Variants in SERINC5 observed in about 807,000 individuals in gnomAD.
SERINC5 encodes the protein serine incorporator 5.
A neutral mutation model predicts 63.1 loss-of-function variants in SERINC5; 41 were observed. The observed-to-expected ratio is 0.65, with a 90% confidence interval of 0.51 to 0.84. The LOEUF (loss-of-function observed/expected upper bound fraction) is 0.84, where lower values mean the gene tolerates loss of function less well. Ranked by LOEUF, SERINC5 falls within the 40% of genes least tolerant of loss-of-function variation. SERINC5 has a pLI of 0.00. For missense variants in SERINC5, 523 were observed against 573.0 expected, an observed-to-expected ratio of 0.91 and a Z score of 0.89; for synonymous variants, 222 against 215.2, an observed-to-expected ratio of 1.03 and a Z score of -0.28.
intron 1 of SERINC5, 116 bp downstream of exon 1, chr5:80,255,780 C>CG (rs1173291227): frequency 9.0e-7 from 1 of 1,112,518 alleles, no homozygotes; most frequent in Non-Finnish European, 1.3e-6. Context: ...GCGACCCACC[C>CG]GGGCCCTACG....
intron 5 of SERINC5, among the ~76,000 whole-genome samples, chr5:80,172,057 C>T (rs1747703576): frequency 6.6e-6 from 1 of 152,118 alleles, no homozygotes; most frequent in Non-Finnish European, 1.5e-5. Context: ...TAAATTAGGG[C>T]ATGGTGGCTC....
At chr5:80,181,235 A>G (rs779508913) in intron 2 of SERINC5, among the ~76,000 whole-genome samples, 15 of 151,570 alleles carry the variant, frequency 9.9e-5, no homozygotes, top group Admixed American at 3.9e-4. Context: ...ACAAACAAAC[A>G]AAGAGTTCCA....
chr5:80,232,845 A>G (rs1751512453), intron 1 of SERINC5, among the ~76,000 whole-genome samples: 1 of 152,164 alleles, frequency 6.6e-6, no homozygotes, highest in Non-Finnish European at 1.5e-5. Flanking sequence ...GAACCTTGAG[A>G]ACATACTAAG....
rs1156747314 is a variant in SERINC5 at position 80,146,212 on chromosome 5, C to G, written c.1116G>C (p.Gly372=). ...CATAAATGACCCGTGGTCCCTCCTT[C>G]CCCGGCTGCTGCTCTTCAGTGTCTG... ...GGEDTEEQQP[G]KEGPRVIYDE... is the part of the protein sequence containing the mutation. The change falls in exon 11 of 12, where the codon GGG becomes GGC. Residue 372 remains glycine (G), a synonymous_variant. Transcript: ENST00000507668. 8.1e-6 allele frequency: 13 copies of G among 1,613,860 alleles called. No individual in the cohort carries two copies. Among genetic ancestry groups the G allele is most frequent in the Non-Finnish European group, 1.0e-5 (12 of 1,179,868 alleles).
intron 10 of SERINC5, among the ~76,000 whole-genome samples, 184 bp from the exon 11 acceptor site, chr5:80,146,418 G>A (rs760372342): frequency 1.2e-4 from 18 of 152,190 alleles, no homozygotes; most frequent in South Asian, 8.3e-4. Flanking sequence ...AGCAACTTCC[G>A]TAACAGGAAG....
At chr5:80,238,719 G>A (rs1437866258) in intron 1 of SERINC5, among the ~76,000 whole-genome samples, 10 of 149,982 alleles carry the variant, frequency 6.7e-5, no homozygotes, top group African/African-American at 2.5e-4. Context: ...GAGACAGAGG[G>A]TAGAGGTTGC....
downstream of SERINC5, among the ~76,000 whole-genome samples, chr5:80,135,099 C>T (rs1009478584): frequency 8.5e-5 from 13 of 152,146 alleles, no homozygotes; most frequent in Non-Finnish European, 1.5e-4. Flanking sequence ...GGGTCTCCTC[C>T]GTTGCCCAGG....
intron 1 of SERINC5, chr5:80,203,255 C>CCCAT: frequency 3.0e-6 from 1 of 328,664 alleles, no homozygotes; most frequent in Non-Finnish European, 5.7e-6. Context: ...AATATATATA[C>CCCAT]ACATATATAT....
At chr5:80,186,056 T>C (rs2112443864) in intron 2 of SERINC5, among the ~76,000 whole-genome samples, 1 of 143,094 alleles carries the variant, frequency 7.0e-6, no homozygotes, top group South Asian at 2.2e-4. Flanking sequence ...ATCTTAGAAT[T>C]AGTAGATGCT....
chr5:80,217,451 G>A (rs928844713), intron 1 of SERINC5, among the ~76,000 whole-genome samples: 23 of 152,178 alleles, frequency 1.5e-4, no homozygotes, highest in African/African-American at 4.6e-4. Flanking sequence ...CTAGATGCCC[G>A]TATGCTCGGG....
intron 1 of SERINC5, among the ~76,000 whole-genome samples, chr5:80,212,298 A>G (rs970438183): frequency 6.6e-6 from 1 of 152,212 alleles, no homozygotes; most frequent in African/African-American, 2.4e-5. Flanking sequence ...CTGGGAGGTT[A>G]TAGTACCAAG....
chr5:80,172,288 T>TGTTGC, intron 5 of SERINC5, among the ~76,000 whole-genome samples: 1 of 152,164 alleles, frequency 6.6e-6, no homozygotes, highest in South Asian at 2.1e-4. Flanking sequence ...GCCACTGCAC[T>TGTTGC]CTAGCCTGGG....
chr5:80,148,201 T>C, intron 9 of SERINC5, among the ~76,000 whole-genome samples: 1 of 147,396 alleles, frequency 6.8e-6, no homozygotes, highest in African/African-American at 2.5e-5. Flanking sequence ...TTTTTTTTTT[T>C]TTTTTTGAGA....
At chr5:80,219,664 C>T (rs1310782011) in intron 1 of SERINC5, among the ~76,000 whole-genome samples, 2 of 152,146 alleles carry the variant, frequency 1.3e-5, no homozygotes, top group East Asian at 1.9e-4. Context: ...CCAGCTGCCT[C>T]GATGGCACCA....
Position 80,177,887 on chromosome 5 carries a change from C to T in SERINC5, c.373G>A (p.Gly125Ser). 6.2e-7 allele frequency: 1 copy of T among 1,604,652 alleles called. No individual in the cohort carries two copies. The highest frequency in any genetic ancestry group is 8.5e-7 in the Non-Finnish European group (1 of 1,176,150). The change falls in exon 3 of 12, where the codon GGC becomes AGC. Residue 125 changes from glycine to serine, a missense_variant and splice_region_variant. Gly to Ser is a moderately conservative substitution (Grantham distance 56). Coordinates refer to ENST00000507668, the MANE Select transcript of SERINC5 (RefSeq NM_001174072.3). ...SKSCRAHIHN[G>S]FWFFKLLLLG... ...CCCCAAGAAGACTAAAATACTTACC[C>T]ATTGTGAATATGAGCTCTACAACTT...
At chr5:80,129,270 T>C (rs1285396235) in intron 11 of SERINC5, 2 of 152,166 alleles carry the variant, frequency 1.3e-5, no homozygotes, top group African/African-American at 4.8e-5. Flanking sequence ...TGTGCATAAC[T>C]TGGATAGCAC....
chr5:80,155,717 T>C (rs1390693682), intron 8 of SERINC5, among the ~76,000 whole-genome samples: 9 of 151,962 alleles, frequency 5.9e-5, no homozygotes, highest in African/African-American at 2.4e-5. Flanking sequence ...CTGGGTAACA[T>C]AGTGAGAACT....
At chr5:80,207,830 GATATAT>G (rs1210473347) in intron 1 of SERINC5, among the ~76,000 whole-genome samples, 1 of 152,172 alleles carries the variant, frequency 6.6e-6, no homozygotes, top group African/African-American at 2.4e-5. Flanking sequence ...GCTACACATT[GATATAT>G]ATACCAGGTG....
At chr5:80,212,699 C>T (rs1369261480) in intron 1 of SERINC5, among the ~76,000 whole-genome samples, 3 of 151,008 alleles carry the variant, frequency 2.0e-5, no homozygotes, top group Non-Finnish European at 4.4e-5. Context: ...TCCCTCTTGG[C>T]ACCACAGTGC....
Sources: gnomAD v4.1 joint callset for allele counts (sites outside exome capture counted in the v4.1 genomes callset) on GRCh38, gnomAD v4.1.1 for gene constraint, MANE v1.5 for transcripts, NCBI Gene and HGNC (gene_info 2026-07-23, HGNC 2026-07-21) for gene names.